The following BLOC1S3 variants were observed in gnomAD, a reference collection of about 807,000 sequenced individuals.
BLOC1S3 encodes biogenesis of lysosomal organelles complex 1 subunit 3.
Under a neutral mutation model 9.1 loss-of-function variants are expected in BLOC1S3, and 7 were observed. That is an observed-to-expected ratio of 0.77 (90% CI 0.44 to 1.45). The LOEUF is 1.45. Among genes scored for constraint, BLOC1S3 ranks in the 40% most tolerant of loss-of-function variants. The pLI, the probability that BLOC1S3 is intolerant of heterozygous loss-of-function variation, is 0.01. For synonymous variants in BLOC1S3, 145 were observed against 158.4 expected, an observed-to-expected ratio of 0.92 and a Z score of 0.64; for missense variants, 307 against 315.2, an observed-to-expected ratio of 0.97 and a Z score of 0.20.
chr19:45,179,985 C>T lies in BLOC1S3; in HGVS notation c.*80C>T. 2.0e-6 allele frequency: 3 copies of T among 1,507,414 alleles called. No homozygotes were observed. The highest frequency in any genetic ancestry group is 1.9e-5 in the Admixed American group (1 of 53,342). 93.4% of individuals were successfully genotyped at this position (1,507,414 alleles called of 1,614,324 possible). A position where few individuals can be genotyped will look rare whatever the true frequency, so the allele number is the denominator to read the frequency against. On this transcript the variant is annotated 3_prime_UTR_variant, in exon 2 of 2. Coordinates refer to ENST00000433642, the MANE Select transcript of BLOC1S3 (RefSeq NM_212550.5). This position sits in a 1 kb window ranked among gnomAD's most constrained non-coding sequence, Gnocchi z 4.6. The stretch of plus-strand genomic sequence containing the variant: ...TGGGACCTGACTCTGTCTCCTGTGT[C>T]TCTTATCACCCCCCACCCCCGCTCC...
rs374759575 is a variant in BLOC1S3, at chr19:45,179,944, T to TA, written c.*40dup. The TA allele has an allele frequency of 3.1e-5, 49 of 1,593,558 alleles. No individual in the cohort carries two copies. The African/African-American group carries it at 6.0e-4, about 20-fold the overall frequency. ...TCCCAACCTGACTGCAATTTGGGGG[T>TA]AGGCCTTGCTGCCTCTGGGACCTGA... On this transcript the variant is annotated 3_prime_UTR_variant, in exon 2 of 2. Transcript: ENST00000433642. The surrounding 1 kb of genome is among the most constrained non-coding windows in gnomAD (Gnocchi z 4.6).
In BLOC1S3 at chr19:45,179,820, A is replaced by C; in HGVS notation, c.524A>C (p.Asp175Ala). Reference sequence around the variant, plus strand: ...CTTTGTGCGCTGGCCGAGCGTCTGGACATCGTGGCTGGCTGCCGCCTGCTG... The same window carrying C: ...CTTTGTGCGCTGGCCGAGCGTCTGGCCATCGTGGCTGGCTGCCGCCTGCTG... ...GDLCALAERL[D>A]IVAGCRLLPD... is the part of the protein sequence containing the mutation. Residue 175 changes from aspartate to alanine, a missense_variant, in exon 2 of 2, where the codon GAC (aspartate) becomes GCC (alanine). By Grantham distance (126) the Asp-to-Ala change is moderately radical. Transcript: ENST00000433642. This position sits in a 1 kb window ranked among gnomAD's most constrained non-coding sequence, Gnocchi z 4.6. The C allele has an allele frequency of 6.2e-7, 1 of 1,608,174 alleles. No individual in the cohort carries two copies. Among genetic ancestry groups the C allele is most frequent in the Non-Finnish European group, 8.5e-7 (1 of 1,178,360 alleles).
rs1171351728 is a variant in BLOC1S3, at chr19:45,181,283, T to TG, written c.*1380dup. 1.8e-5 allele frequency: 3 copies of TG among 167,236 alleles called. No individual in the cohort carries two copies. The highest frequency in any genetic ancestry group is 7.2e-5 in the African/African-American group (3 of 41,464). The allele number at this position is 167,236 out of a possible 1,614,324, so 10.4% of individuals were successfully genotyped here. A position where few individuals can be genotyped will look rare whatever the true frequency, so the allele number is the denominator to read the frequency against. On this transcript the variant is annotated 3_prime_UTR_variant, in exon 2 of 2. Coordinates refer to ENST00000433642, the MANE Select transcript of BLOC1S3 (RefSeq NM_212550.5). Reference sequence around the variant, plus strand: ...CCTTCCTTCTGCAGGCCCAAAATGATGGCCCCTCTTAACCCAAGGCAGGGG... The same window carrying TG: ...CCTTCCTTCTGCAGGCCCAAAATGATGGGCCCCTCTTAACCCAAGGCAGGGG...
chr19:45,179,948 C>A lies in BLOC1S3; in HGVS notation c.*43C>A. ...AACCTGACTGCAATTTGGGGGTAGGCCTTGCTGCCTCTGGGACCTGACTCT... is the reference window on the plus strand; with the variant it reads ...AACCTGACTGCAATTTGGGGGTAGGACTTGCTGCCTCTGGGACCTGACTCT... On this transcript the variant is annotated 3_prime_UTR_variant, in exon 2 of 2. Coordinates refer to ENST00000433642, the MANE Select transcript of BLOC1S3 (RefSeq NM_212550.5). This position sits in a 1 kb window ranked among gnomAD's most constrained non-coding sequence, Gnocchi z 4.6. 2 of 1,588,090 alleles carry A rather than the reference C, an allele frequency of 1.3e-6. No individual in the cohort carries two copies. Among genetic ancestry groups the A allele is most frequent in the Non-Finnish European group, 1.7e-6 (2 of 1,167,496 alleles).
downstream of BLOC1S3, among the ~76,000 whole-genome samples, chr19:45,184,793 G>T (rs370682757): frequency 2.0e-4 from 31 of 151,570 alleles, no homozygotes; most frequent in East Asian, 2.3e-3. Context: ...CAAGCTACTC[G>T]GGAGGCTGAG....
chr19:45,200,658 C>G (rs753396147), intron 2 of BLOC1S3, among the ~76,000 whole-genome samples: 1 of 152,152 alleles, frequency 6.6e-6, no homozygotes, highest in Non-Finnish European at 1.5e-5. Flanking sequence ...GTCACTGGAG[C>G]CTTGTTTAGT....
Position 45,179,863 on chromosome 19 carries a change from G to T in BLOC1S3, c.567G>T (p.Val189=), listed in dbSNP as rs762987928. 6.2e-7 allele frequency: 1 copy of T among 1,609,452 alleles called. No individual in the cohort carries two copies. Among genetic ancestry groups the T allele is most frequent in the South Asian group, 1.1e-5 (1 of 90,980 alleles). ...GCRLLPDIRG[V]PGTEPEKDPG... ...GCCTGCTGCCGGACATCCGCGGCGT[G>T]CCAGGGACCGAGCCTGAGAAAGACC... is the stretch of plus-strand genomic sequence containing the variant. Residue 189 remains valine (V), a synonymous_variant, in exon 2 of 2, where the codon GTG becomes GTT. Transcript: ENST00000433642. The surrounding 1 kb of genome is among the most constrained non-coding windows in gnomAD (Gnocchi z 4.6).
chr19:45,182,054 C>T (rs1033326012), downstream of BLOC1S3, among the ~76,000 whole-genome samples: 3 of 152,126 alleles, frequency 2.0e-5, no homozygotes, highest in African/African-American at 4.8e-5. Flanking sequence ...TCACAGAGGT[C>T]GCAGTCCAGT....
chr19:45,188,549 AATTATTATTATTATTATT>A (rs61583899), intron 2 of BLOC1S3, among the ~76,000 whole-genome samples: 14,245 of 143,302 alleles, frequency 0.099, 965 homozygotes, highest in East Asian at 0.29. Context: ...CATTCTTTCT[AATTATTATTATTATTATT>A]ATTATTATTA....
At chr19:45,184,499 G>A (rs1410676609), downstream of BLOC1S3, among the ~76,000 whole-genome samples, 4 of 152,136 alleles carry the variant, frequency 2.6e-5, no homozygotes, top group South Asian at 2.1e-4. Context: ...CCAGCTACTC[G>A]TGAGGCTGAG....
chr19:45,216,286 G>A (rs1969834229), intron 3 of BLOC1S3: 1 of 1,498,588 alleles, frequency 6.7e-7, no homozygotes, highest in Non-Finnish European at 8.9e-7. Context: ...TCTCTAAAAT[G>A]TAGCAGAAAC....
In BLOC1S3 at chr19:45,179,965, CCTGACT is replaced by C. The variant is rs1969492398; in HGVS notation, c.*64_*69del. On this transcript the variant is annotated 3_prime_UTR_variant, in exon 2 of 2. Transcript: ENST00000433642. The surrounding 1 kb of genome is among the most constrained non-coding windows in gnomAD (Gnocchi z 4.6). The stretch of plus-strand genomic sequence containing the variant: ...GGGGTAGGCCTTGCTGCCTCTGGGA[CCTGACT>C]CTGTCTCCTGTGTCTCTTATCACCC... 3 of 1,566,732 alleles carry C rather than the reference CCTGACT, an allele frequency of 1.9e-6. No homozygotes were observed. The Admixed American group carries it at 5.3e-5, about 28-fold the overall frequency.
At chr19:45,216,095 C>T (rs1969831587) in intron 3 of BLOC1S3, 1 of 1,613,948 alleles carries the variant, frequency 6.2e-7, no homozygotes, top group African/African-American at 1.3e-5. Flanking sequence ...TAGTCGCGCA[C>T]CAACACTCCC....
At chr19:45,183,623 C>CTTTTTTTTTTTTT (rs57651816), downstream of BLOC1S3, among the ~76,000 whole-genome samples, 35 of 105,108 alleles carry the variant, frequency 3.3e-4, no homozygotes, top group African/African-American at 9.0e-4. Flanking sequence ...CTTTTCTTTT[C>CTTTTTTTTTTTTT]TTTTTTTTTT....
chr19:45,179,966 C>A lies in BLOC1S3; in HGVS notation c.*61C>A. 1 of 1,562,430 alleles carries A rather than the reference C, an allele frequency of 6.4e-7. No homozygotes were observed. The highest frequency in any genetic ancestry group is 8.7e-7 in the Non-Finnish European group (1 of 1,151,888). ...GGGTAGGCCTTGCTGCCTCTGGGAC[C>A]TGACTCTGTCTCCTGTGTCTCTTAT... On this transcript the variant is annotated 3_prime_UTR_variant, in exon 2 of 2. Transcript: ENST00000433642. The surrounding 1 kb of genome is among the most constrained non-coding windows in gnomAD (Gnocchi z 4.6).
chr19:45,199,998 T>C (rs894182576), intron 2 of BLOC1S3, among the ~76,000 whole-genome samples: 2 of 151,842 alleles, frequency 1.3e-5, no homozygotes, highest in African/African-American at 4.8e-5. Flanking sequence ...ACTCCTGACC[T>C]CAGGTGATCC....
chr19:45,210,106 C>T (rs894423499), intron 3 of BLOC1S3, among the ~76,000 whole-genome samples: 8 of 151,862 alleles, frequency 5.3e-5, no homozygotes, highest in African/African-American at 1.5e-4. Context: ...CAAAAGACTA[C>T]GTTATGTATT....
chr19:45,205,259 G>A (rs900611669), intron 3 of BLOC1S3, among the ~76,000 whole-genome samples: 5 of 151,926 alleles, frequency 3.3e-5, no homozygotes, highest in Admixed American at 2.0e-4. Context: ...TCCACTTCCC[G>A]GGTTCAAGCA....
At chr19:45,194,049 C>T (rs1340660308) in intron 2 of BLOC1S3, among the ~76,000 whole-genome samples, 4 of 140,108 alleles carry the variant, frequency 2.9e-5, no homozygotes, top group Non-Finnish European at 6.1e-5. Context: ...ACGATCCGCC[C>T]TCCTTGGCCT....
Sources: gnomAD v4.1 joint callset for allele counts (sites outside exome capture counted in the v4.1 genomes callset) on GRCh38, gnomAD v4.1.1 for gene constraint, Gnocchi (gnomAD v3.1) non-coding constraint, MANE v1.5 for transcripts, NCBI Gene and HGNC (gene_info 2026-07-23, HGNC 2026-07-21) for gene names.